Variants in LGR6 observed in about 807,000 individuals in gnomAD.
LGR6 encodes leucine rich repeat containing G protein-coupled receptor 6.
LGR6 carries 45 observed loss-of-function variants against 69.4 expected under a neutral mutation model. The ratio of observed to expected loss-of-function variants is 0.65; its 90% CI spans 0.51 to 0.83. The LOEUF (loss-of-function observed/expected upper bound fraction) is 0.83. LGR6 is among the 40% of genes least tolerant of loss of function. The pLI, the probability that LGR6 is intolerant of heterozygous loss-of-function variation, is 0.00. For synonymous variants in LGR6, 538 were observed against 555.0 expected, an observed-to-expected ratio of 0.97 and a Z score of 0.43; for missense variants, 1,108 against 1,246.7, an observed-to-expected ratio of 0.89 and a Z score of 1.68.
rs1654411878 is a variant in LGR6, at chr1:202,318,967, C to T, written c.2664C>T (p.Pro888=). Residue 888 remains proline, a synonymous_variant, in exon 18 of 18, where the codon CCC becomes CCT. Coordinates refer to ENST00000367278, the MANE Select transcript of LGR6 (RefSeq NM_001017403.2). ...TGGAAGCTTCTGAAGCTGGGCGGCC[C>T]CCTGGGCTGGAGACCTATGGCTTCC... The part of the protein sequence containing the change: ...LILEASEAGR[P]PGLETYGFPS... The T allele has an allele frequency of 6.2e-7, 1 of 1,613,756 alleles. No individual in the cohort carries two copies. Among genetic ancestry groups the T allele is most frequent in the Non-Finnish European group, 8.5e-7 (1 of 1,179,814 alleles).
At chr1:202,232,433 G>C (rs1000405922) in intron 3 of LGR6, among the ~76,000 whole-genome samples, 1 of 152,196 alleles carries the variant, frequency 6.6e-6, no homozygotes, top group Non-Finnish European at 1.5e-5. Context: ...TCAGCTGGGA[G>C]CTTGCAAAAC....
intron 4 of LGR6, among the ~76,000 whole-genome samples, chr1:202,259,692 C>T (rs1374758288): frequency 1.3e-5 from 2 of 152,072 alleles, no homozygotes; most frequent in African/African-American, 4.8e-5. Context: ...TTCCTCCCAT[C>T]TCTCTTTCCC....
chr1:202,214,048 T>G, intron 1 of LGR6: 2 of 1,328,708 alleles, frequency 1.5e-6, no homozygotes, highest in Non-Finnish European at 1.9e-6. Flanking sequence ...TGGGGCGCTA[T>G]CCAGAGGGAA....
chr1:202,318,048 T>C lies in LGR6; in HGVS notation c.1745T>C (p.Val582Ala), dbSNP rs748281691. 2 of 1,614,196 alleles carry C rather than the reference T, an allele frequency of 1.2e-6. No homozygotes were observed. Among genetic ancestry groups the C allele is most frequent in the South Asian group, 2.2e-5 (2 of 91,082 alleles). The change falls in exon 18 of 18, where the codon GTG (valine) becomes GCG (alanine). Residue 582 changes from valine to alanine, a missense_variant. Transcript: ENST00000367278. ...CTCTCCGTGCTCTGCAATGGACTGGTGCTGCTGACCGTGTTCGCTGGCGGG... is the reference window on the plus strand; with the variant it reads ...CTCTCCGTGCTCTGCAATGGACTGGCGCTGCTGACCGTGTTCGCTGGCGGG... ...VLLSVLCNGL[V>A]LLTVFAGGPV...
chr1:202,270,480 G>A (rs1372324574), intron 4 of LGR6, among the ~76,000 whole-genome samples: 1 of 152,146 alleles, frequency 6.6e-6, no homozygotes, highest in Non-Finnish European at 1.5e-5. Flanking sequence ...GAACTCAGGT[G>A]ATCTGCCCAC....
chr1:202,213,218 G>A lies in LGR6; in HGVS notation c.213-12205G>A, dbSNP rs775194663. On this transcript the variant is annotated intron_variant, in intron 1 of 17. Transcript: ENST00000367278. ...GGGCATCATGCCCAGTAACAGCCCC[G>A]ATGTCCAACACTTCCCCATGTCCTC... 3.9e-5 allele frequency among the ~76,000 whole-genome samples: 6 copies of A among 152,198 alleles called. No homozygotes were observed. The East Asian group carries it at 7.7e-4, about 20-fold the overall frequency.
intron 4 of LGR6, among the ~76,000 whole-genome samples, chr1:202,246,709 A>T (rs761388957): frequency 2.6e-5 from 4 of 152,124 alleles, no homozygotes; most frequent in Non-Finnish European, 4.4e-5. Flanking sequence ...AAATATGTAT[A>T]TAAAAGCTAA....
At chr1:202,314,121 A>C (rs1653954552) in intron 16 of LGR6, among the ~76,000 whole-genome samples, 1 of 152,184 alleles carries the variant, frequency 6.6e-6, no homozygotes, top group Non-Finnish European at 1.5e-5. Flanking sequence ...GAGTGTCTCC[A>C]TTCGAATCAT....
chr1:202,314,940 C>T, intron 17 of LGR6, 58 bp downstream of exon 17: 1 of 1,274,064 alleles, frequency 7.8e-7, no homozygotes, highest in Non-Finnish European at 1.1e-6. Context: ...CACCCAACCA[C>T]CTAGTTGAGG....
In LGR6 at chr1:202,280,773, C is replaced by CCGTGCAGGCATTTGCATAACAACCGCAT; in HGVS notation, c.645-6_666dup. On this transcript the variant is annotated splice_polypyrimidine_tract_variant and splice_region_variant and intron_variant, in intron 5 of 17. Coordinates refer to ENST00000367278, the MANE Select transcript of LGR6 (RefSeq NM_001017403.2). ...ACCCATTCTGATGCGTCTTTCCTTC[C>CCGTGCAGGCATTTGCATAACAACCGCAT]CGTGCAGGCATTTGCATAACAACCG... 6.2e-7 allele frequency: 1 copy of CCGTGCAGGCATTTGCATAACAACCGCAT among 1,614,188 alleles called. No homozygotes were observed.
intron 3 of LGR6, among the ~76,000 whole-genome samples, chr1:202,229,924 A>G (rs1660876615): frequency 6.6e-6 from 1 of 152,170 alleles, no homozygotes; most frequent in South Asian, 2.1e-4. Flanking sequence ...CCTAGGCACG[A>G]ATTACTTTCT....
At chr1:202,303,880 C>T (rs1667785661) in intron 10 of LGR6, among the ~76,000 whole-genome samples, 1 of 152,224 alleles carries the variant, frequency 6.6e-6, no homozygotes, top group Non-Finnish European at 1.5e-5. Context: ...CATGGCACCA[C>T]TGGGACTGGG....
At chr1:202,264,249 C>T (rs982201654) in intron 4 of LGR6, among the ~76,000 whole-genome samples, 17 of 152,126 alleles carry the variant, frequency 1.1e-4, no homozygotes, top group African/African-American at 4.1e-4. Flanking sequence ...TTCTTCTCTC[C>T]CTTCTCCTAT....
chr1:202,202,378 G>A (rs956093016), intron 1 of LGR6, among the ~76,000 whole-genome samples: 12 of 152,162 alleles, frequency 7.9e-5, no homozygotes, highest in Admixed American at 3.9e-4. Flanking sequence ...CCTCTCAGGC[G>A]AAAGGCACCC....
intron 1 of LGR6, among the ~76,000 whole-genome samples, chr1:202,199,108 T>C (rs962381573): frequency 2.0e-5 from 3 of 151,940 alleles, no homozygotes; most frequent in African/African-American, 7.3e-5. Context: ...AACTAGAAAG[T>C]GGGAGAGGCA....
chr1:202,227,852 C>T (rs749568357), intron 2 of LGR6, 84 bp from the exon 3 acceptor site: 9 of 905,838 alleles, frequency 9.9e-6, no homozygotes, highest in Middle Eastern at 2.1e-4. Flanking sequence ...CCTCCCTTCC[C>T]GTATCTCAAG....
intron 4 of LGR6, among the ~76,000 whole-genome samples, chr1:202,251,070 G>A (rs921184482): frequency 1.3e-5 from 2 of 152,126 alleles, no homozygotes; most frequent in Non-Finnish European, 2.9e-5. Context: ...GCTGAGAGGG[G>A]GAGTAAAAGC....
intron 1 of LGR6, chr1:202,214,215 A>G: frequency 6.5e-7 from 1 of 1,543,002 alleles, no homozygotes; most frequent in Non-Finnish European, 8.7e-7. Flanking sequence ...CCGGGCTGGG[A>G]GTGCACGGCG....
chr1:202,201,453 G>A (rs1658831735), intron 1 of LGR6, among the ~76,000 whole-genome samples: 1 of 152,232 alleles, frequency 6.6e-6, no homozygotes, highest in East Asian at 1.9e-4. Context: ...AACCCCATGA[G>A]AGAGGTGCTA....
Sources: allele counts gnomAD v4.1 joint callset (sites outside exome capture counted in the v4.1 genomes callset), GRCh38; gene constraint gnomAD v4.1.1; transcripts MANE v1.5; gene names NCBI Gene and HGNC (gene_info 2026-07-23, HGNC 2026-07-21).